The following RAC1 variants were observed in gnomAD, a reference collection of about 807,000 sequenced individuals.
The protein encoded by RAC1 is Rac family small GTPase 1.
In RAC1, 2 loss-of-function variants were observed where a neutral mutation model predicts 25.2. The observed-to-expected ratio is 0.08, with a 90% confidence interval of 0.03 to 0.25. RAC1 has a LOEUF of 0.25. Among genes scored for constraint, RAC1 ranks in the 10% least tolerant of loss-of-function variants. RAC1 has a pLI of 1.00. For synonymous variants in RAC1, 88 were observed against 94.0 expected, an observed-to-expected ratio of 0.94 and a Z score of 0.37; for missense variants, 50 against 235.7, an observed-to-expected ratio of 0.21 and a Z score of 5.16.
At chr7:6,380,031 C>T (rs1350342588) in intron 1 of RAC1, among the ~76,000 whole-genome samples, 1 of 152,202 alleles carries the variant, frequency 6.6e-6, no homozygotes, top group Non-Finnish European at 1.5e-5. Context: ...GGGCTAGTGG[C>T]CTGTCTAGCC....
chr7:6,387,146 A>G, intron 1 of RAC1, 66 bp from the exon 2 acceptor site: 1 of 1,032,218 alleles, frequency 9.7e-7, no homozygotes, highest in Non-Finnish European at 1.5e-6. Flanking sequence ...AATTATTTTA[A>G]CTTAATAGTG....
intron 1 of RAC1, among the ~76,000 whole-genome samples, chr7:6,383,874 C>G (rs1170461257): frequency 1.5e-5 from 2 of 133,322 alleles, no homozygotes; most frequent in Non-Finnish European, 3.1e-5. Context: ...GCAATCTCGG[C>G]TCACTGCAAC....
intron 2 of RAC1, 29 bp downstream of exon 2, chr7:6,387,312 G>C: frequency 7.0e-7 from 1 of 1,423,278 alleles, no homozygotes; most frequent in South Asian, 1.2e-5. Flanking sequence ...GAATTAACCT[G>C]TTTGTGTTAC....
chr7:6,378,064 T>C (rs1782655308), intron 1 of RAC1, among the ~76,000 whole-genome samples: 1 of 152,138 alleles, frequency 6.6e-6, no homozygotes, highest in African/African-American at 2.4e-5. Context: ...GCTCCTTGTC[T>C]CATCATCCCT....
chr7:6,402,141 T>G, intron 5 of RAC1, 114 bp downstream of exon 5: 1 of 1,444,220 alleles, frequency 6.9e-7, no homozygotes. Flanking sequence ...CCTGGTGTAC[T>G]CTTGGGGAAC....
chr7:6,376,500 T>C (rs1171419458), intron 1 of RAC1, among the ~76,000 whole-genome samples: 3 of 138,422 alleles, frequency 2.2e-5, no homozygotes, highest in Non-Finnish European at 4.5e-5. Flanking sequence ...TTTTTTTTTT[T>C]CTTTTCTTTT....
intron 3 of RAC1, among the ~76,000 whole-genome samples, chr7:6,393,453 C>T (rs555291494): frequency 2.0e-5 from 3 of 152,130 alleles, no homozygotes; most frequent in South Asian, 2.1e-4. Context: ...CAGGGGGTAC[C>T]GGGCAGGGTG....
chr7:6,387,447 A>G (rs370447432), intron 2 of RAC1, among the ~76,000 whole-genome samples, 164 bp downstream of exon 2: 1 of 152,146 alleles, frequency 6.6e-6, no homozygotes, highest in East Asian at 1.9e-4. Flanking sequence ...AGGCTTTTAA[A>G]AAATAGGGCT....
intron 1 of RAC1, among the ~76,000 whole-genome samples, chr7:6,375,210 C>T (rs1290351793): frequency 1.3e-5 from 2 of 152,074 alleles, no homozygotes; most frequent in East Asian, 3.9e-4. Flanking sequence ...ATATTTGATG[C>T]ATGCTTGATT....
At chr7:6,390,644 A>G (rs1783067873) in intron 2 of RAC1, among the ~76,000 whole-genome samples, 1 of 151,960 alleles carries the variant, frequency 6.6e-6, no homozygotes, top group Non-Finnish European at 1.5e-5. Flanking sequence ...CTCCCTCAGA[A>G]TTGTATGTTG....
chr7:6,377,524 G>C (rs1282725795), intron 1 of RAC1, among the ~76,000 whole-genome samples: 1 of 152,206 alleles, frequency 6.6e-6, no homozygotes, highest in African/African-American at 2.4e-5. Flanking sequence ...AAACCCAGGA[G>C]GTGGAGGTTG....
At chr7:6,379,401 A>T (rs958262044) in intron 1 of RAC1, among the ~76,000 whole-genome samples, 2 of 150,516 alleles carry the variant, frequency 1.3e-5, no homozygotes, top group African/African-American at 4.9e-5. Context: ...CAGCTTGTCG[A>T]GTAGGTGGGA....
chr7:6,392,099 T>TA (rs1783107422), intron 3 of RAC1, 58 bp downstream of exon 3: 1 of 1,608,070 alleles, frequency 6.2e-7, no homozygotes, highest in Non-Finnish European at 8.5e-7. Flanking sequence ...CTCGAGCGCT[T>TA]AATTAGTGCA....
intron 1 of RAC1, among the ~76,000 whole-genome samples, chr7:6,381,357 T>A (rs1233476177): frequency 6.6e-6 from 1 of 151,768 alleles, no homozygotes; most frequent in Non-Finnish European, 1.5e-5. Context: ...ACTATCTTAA[T>A]TTTTTGAAGC....
chr7:6,402,505 A>G lies in RAC1; in HGVS notation c.*59A>G. On this transcript the variant is annotated 3_prime_UTR_variant, in exon 6 of 6. Transcript: ENST00000348035. ...TGGAACCTTTGTACGCTTTGCTCAA[A>G]AAAAAACAAAAAAAAAAAACAAAAA... 1.2e-6 allele frequency: 1 copy of G among 848,950 alleles called. No individual in the cohort carries two copies. Among genetic ancestry groups the G allele is most frequent in the Non-Finnish European group, 1.4e-6 (1 of 711,736 alleles). The allele number at this position is 848,950 out of a possible 1,614,324, so 52.6% of individuals were successfully genotyped here.
intron 1 of RAC1, among the ~76,000 whole-genome samples, chr7:6,386,098 G>A (rs1282793862): frequency 1.3e-5 from 2 of 152,202 alleles, no homozygotes; most frequent in Admixed American, 6.5e-5. Flanking sequence ...GTAATATTAG[G>A]ATTAGTCTCT....
intron 1 of RAC1, among the ~76,000 whole-genome samples, chr7:6,384,447 A>C (rs1352881555): frequency 6.6e-6 from 1 of 152,184 alleles, no homozygotes; most frequent in African/African-American, 2.4e-5. Flanking sequence ...CCTTAACAAG[A>C]AGAGGTAACG....
intron 1 of RAC1, among the ~76,000 whole-genome samples, chr7:6,383,119 T>C (rs1782818452): frequency 6.6e-6 from 1 of 152,192 alleles, no homozygotes; most frequent in Non-Finnish European, 1.5e-5. Flanking sequence ...CAGTTAATTA[T>C]ATAAAGTTAG....
Position 6,402,980 on chromosome 7 carries a change from A to G in RAC1, c.*534A>G. ...TAGCAGCACGTGTTCCCGACATAAC[A>G]TTGTACTGTAATGGAGTGAGCGTAG... On this transcript the variant is annotated 3_prime_UTR_variant, in exon 6 of 6. Transcript: ENST00000348035. The G allele has an allele frequency of 5.2e-6, 1 of 191,688 alleles. No individual in the cohort carries two copies. The highest frequency in any genetic ancestry group is 1.1e-5 in the Non-Finnish European group (1 of 91,268). The allele number at this position is 191,688 out of a possible 1,614,324, so 11.9% of individuals were successfully genotyped here.
Sources: gnomAD v4.1 joint callset for allele counts (sites outside exome capture counted in the v4.1 genomes callset) on GRCh38, gnomAD v4.1.1 for gene constraint, MANE v1.5 for transcripts, NCBI Gene and HGNC (gene_info 2026-07-23, HGNC 2026-07-21) for gene names.